Variants in RMND5B observed in about 807,000 individuals in gnomAD.
RMND5B encodes required for meiotic nuclear division 5 homolog B, also known as E3 ubiquitin-protein transferase RMND5B.
Under a neutral mutation model 50.4 loss-of-function variants are expected in RMND5B, and 42 were observed. The ratio of observed to expected loss-of-function variants is 0.83; its 90% CI spans 0.65 to 1.08. The LOEUF (loss-of-function observed/expected upper bound fraction) is 1.08, where lower values mean the gene tolerates loss of function less well. Among genes scored for constraint, RMND5B ranks in the 50% least tolerant of loss-of-function variants. The pLI is 0.00. For missense variants in RMND5B, 463 were observed against 508.5 expected (o/e 0.91, Z 0.86); for synonymous variants, 220 against 210.0 (o/e 1.05, Z -0.41).
Position 178,138,259 on chromosome 5 carries a change from G to C in RMND5B, c.139+1G>C, listed in dbSNP as rs763453315. ...CTGCGGGCTGAGCTGGCCAGCGCAG[G>C]TGGGTGGCCACCCTTGCAAGTGCCC... On this transcript the variant is annotated splice_donor_variant, in intron 3 of 10. Coordinates refer to ENST00000313386, the MANE Select transcript of RMND5B (RefSeq NM_022762.5). LOFTEE classifies it high-confidence loss of function. The surrounding 1 kb of genome is among the most constrained non-coding windows in gnomAD (Gnocchi z 5.1). 9 of 1,612,728 alleles carry C rather than the reference G, an allele frequency of 5.6e-6. No homozygotes were observed. Among genetic ancestry groups the C allele is most frequent in the Non-Finnish European group, 7.6e-6 (9 of 1,179,302 alleles).
At chr5:178,147,506 A>G (rs778573322) in intron 8 of RMND5B, 27 bp from the exon 9 acceptor site, 1 of 1,601,734 alleles carries the variant, frequency 6.2e-7, no homozygotes, top group Non-Finnish European at 8.5e-7. Flanking sequence ...GATCTGAGCC[A>G]CTCTAGCCCC....
In RMND5B at chr5:178,146,270, T is replaced by A; in HGVS notation, c.851T>A (p.Leu284His). 6.2e-7 allele frequency: 1 copy of A among 1,614,018 alleles called. No homozygotes were observed. The highest frequency in any genetic ancestry group is 8.5e-7 in the Non-Finnish European group (1 of 1,179,946). ...CTGGGGCTTTCTGTGGAGTCCCCCC[T>A]TAGCGTCAGGTACAACCCAGCCCTG... ...SLLGLSVESPLSVSFASGCVA... is the reference protein window; with the variant it reads ...SLLGLSVESPHSVSFASGCVA... The change falls in exon 8 of 11, where the codon CTT becomes CAT. Residue 284 changes from leucine (L) to histidine (H), a missense_variant. Leu to His is a moderately conservative substitution (Grantham distance 99). Transcript: ENST00000313386.
chr5:178,146,514 G>A, intron 8 of RMND5B: 1 of 492,918 alleles, frequency 2.0e-6, no homozygotes, highest in East Asian at 3.3e-5. Flanking sequence ...TTCCCATTTT[G>A]TAAGGTCTCC....
rs994345259 is a variant in RMND5B at position 178,148,213 on chromosome 5, C to T, written c.*181C>T. On this transcript the variant is annotated 3_prime_UTR_variant, in exon 11 of 11. Transcript: ENST00000313386. The stretch of plus-strand genomic sequence containing the variant: ...GGCTGAGGAGGGAGATGGACCAGCC[C>T]ACGCCTGGCACCTGGCTCCATGGCA... The T allele has an allele frequency of 1.5e-4, 94 of 627,620 alleles. No individual in the cohort carries two copies. The Admixed American group carries it at 2.5e-3, about 16-fold the overall frequency. The allele number at this position is 627,620 out of a possible 1,614,324, so 38.9% of individuals were successfully genotyped here.
intron 8 of RMND5B, chr5:178,146,950 A>G (rs1446274481): frequency 6.3e-6 from 1 of 158,698 alleles, no homozygotes; most frequent in Non-Finnish European, 1.4e-5. Flanking sequence ...CTGATTTGTT[A>G]CCATGGACTC....
chr5:178,134,075 G>A (rs574310425), intron 2 of RMND5B, among the ~76,000 whole-genome samples: 73 of 152,208 alleles, frequency 4.8e-4, no homozygotes, highest in Non-Finnish European at 7.5e-4. Context: ...GCACTGAGGG[G>A]GAGAAAGGAC....
Position 178,148,536 on chromosome 5 carries a change from C to T in RMND5B, c.*504C>T, listed in dbSNP as rs1455747649. 1 of 168,378 alleles carries T rather than the reference C, an allele frequency of 5.9e-6. No homozygotes were observed. Among genetic ancestry groups the T allele is most frequent in the African/African-American group, 2.4e-5 (1 of 41,794 alleles). 10.4% of individuals were successfully genotyped at this position (168,378 alleles called of 1,614,324 possible). On this transcript the variant is annotated 3_prime_UTR_variant, in exon 11 of 11. Coordinates refer to ENST00000313386, the MANE Select transcript of RMND5B (RefSeq NM_022762.5). ...AGAACGGAATGCCGTTGTTTTATAA[C>T]TTTGAACAAATGTATTTACTGCCCT... is the stretch of plus-strand genomic sequence containing the variant.
chr5:178,148,172 G>A lies in RMND5B; in HGVS notation c.*140G>A, dbSNP rs1756141115. 13 of 798,836 alleles carry A rather than the reference G, an allele frequency of 1.6e-5. No homozygotes were observed. Among genetic ancestry groups the A allele is most frequent in the Non-Finnish European group, 2.5e-5 (12 of 480,406 alleles). The allele number at this position is 798,836 out of a possible 1,614,324, so 49.5% of individuals were successfully genotyped here. On this transcript the variant is annotated 3_prime_UTR_variant, in exon 11 of 11. Transcript: ENST00000313386. ...GAGTTCCACTGAGGGGAGCACTGGA[G>A]CAGCCCTTTGGCAGAGGCTGAGGAG...
Position 178,143,740 on chromosome 5 carries a change from T to G in RMND5B, c.527+13T>G. The G allele has an allele frequency of 1.3e-6, 2 of 1,597,068 alleles. No individual in the cohort carries two copies. The highest frequency in any genetic ancestry group is 1.7e-6 in the Non-Finnish European group (2 of 1,164,412). ...GTCCTGCGTTGGAGTAAGGAGGCCCTTGGGTGGGCCAGCAGCATTCTGCTT... is the reference window on the plus strand; with the variant it reads ...GTCCTGCGTTGGAGTAAGGAGGCCCGTGGGTGGGCCAGCAGCATTCTGCTT... On this transcript the variant is annotated intron_variant, in intron 6 of 10. Transcript: ENST00000313386.
chr5:178,139,731 G>GTTTTTTTT (rs1561633623), intron 3 of RMND5B, among the ~76,000 whole-genome samples: 2 of 139,490 alleles, frequency 1.4e-5, no homozygotes, highest in Non-Finnish European at 1.5e-5. Context: ...TTTTTTTTTG[G>GTTTTTTTT]ATTTTTAGTA....
chr5:178,139,211 CTT>C (rs111529954), intron 3 of RMND5B, among the ~76,000 whole-genome samples: 5 of 144,814 alleles, frequency 3.5e-5, no homozygotes, highest in Admixed American at 6.9e-5. Context: ...GTTCACATTT[CTT>C]TTTTTTTTTT....
chr5:178,146,568 G>GC, intron 8 of RMND5B: 2 of 361,828 alleles, frequency 5.5e-6, no homozygotes, highest in South Asian at 4.5e-5. Flanking sequence ...CTGGATCATT[G>GC]CAAGACCTTC....
At position 178,144,032 on chromosome 5, in the gene RMND5B, A is replaced by G. The variant is rs1388183735; in HGVS notation, c.618A>G (p.Ala206=). 1 of 1,614,256 alleles carries G rather than the reference A, an allele frequency of 6.2e-7. No individual in the cohort carries two copies. Among genetic ancestry groups the G allele is most frequent in the Non-Finnish European group, 8.5e-7 (1 of 1,180,048 alleles). ...LHRLHFIRLL[A]GGPAKQLEAL... is the part of the protein sequence containing the mutation. ...GACTGCACTTCATCCGCCTCTTGGCAGGAGGCCCCGCGAAGCAGCTGGAGG... is the reference window on the plus strand; with the variant it reads ...GACTGCACTTCATCCGCCTCTTGGCGGGAGGCCCCGCGAAGCAGCTGGAGG... Residue 206 remains alanine (A), a synonymous_variant, in exon 7 of 11, where the codon GCA becomes GCG. Coordinates refer to ENST00000313386, the MANE Select transcript of RMND5B (RefSeq NM_022762.5).
At position 178,138,461 on chromosome 5, in the gene RMND5B, C is replaced by T; in HGVS notation, c.139+203C>T. On this transcript the variant is annotated intron_variant, in intron 3 of 10. Transcript: ENST00000313386. The surrounding 1 kb of genome is among the most constrained non-coding windows in gnomAD (Gnocchi z 5.1). ...ATTATTAATTTACCTGAGATGATTC[C>T]CATTTACATTTTGTTTTCAACTTAC... 7.7e-7 allele frequency: 1 copy of T among 1,307,182 alleles called. No individual in the cohort carries two copies. Among genetic ancestry groups the T allele is most frequent in the Non-Finnish European group, 9.9e-7 (1 of 1,010,312 alleles). 81.0% of individuals were successfully genotyped at this position (1,307,182 alleles called of 1,614,324 possible).
At position 178,143,715 on chromosome 5, in the gene RMND5B, G is replaced by T. The variant is rs1755816352; in HGVS notation, c.515G>T (p.Gly172Val). The T allele has an allele frequency of 3.1e-6, 5 of 1,613,662 alleles. No individual in the cohort carries two copies. The highest frequency in any genetic ancestry group is 4.2e-6 in the Non-Finnish European group (5 of 1,179,556). ...ILEALHEQDL[G>V]PALEWAVSHR... Reference sequence around the variant, plus strand: ...GAAGCCCTGCACGAACAAGACCTGGGTCCTGCGTTGGAGTAAGGAGGCCCT... The same window carrying T: ...GAAGCCCTGCACGAACAAGACCTGGTTCCTGCGTTGGAGTAAGGAGGCCCT... Residue 172 changes from glycine (G) to valine (V), a missense_variant, in exon 6 of 11, where the codon GGT becomes GTT. Physicochemically the swap from Gly to Val is moderately radical, Grantham distance 109. Coordinates refer to ENST00000313386, the MANE Select transcript of RMND5B (RefSeq NM_022762.5).
chr5:178,146,042 G>A, intron 7 of RMND5B, 72 bp from the exon 8 acceptor site: 1 of 1,518,760 alleles, frequency 6.6e-7, no homozygotes, highest in Non-Finnish European at 9.0e-7. Context: ...GTGCTGCACA[G>A]TCCTGCTGCC....
chr5:178,143,363 TGCGTA>T (rs1180149125), intron 5 of RMND5B, among the ~76,000 whole-genome samples: 1 of 152,142 alleles, frequency 6.6e-6, no homozygotes, highest in Non-Finnish European at 1.5e-5. Flanking sequence ...TGCAACTCAG[TGCGTA>T]GCCTGGGGAC....
In RMND5B at chr5:178,146,125, A is replaced by G. The variant is rs1755988929; in HGVS notation, c.706A>G (p.Met236Val). 3.1e-6 allele frequency: 5 copies of G among 1,614,100 alleles called. No homozygotes were observed. The highest frequency in any genetic ancestry group is 4.2e-6 in the Non-Finnish European group (5 of 1,180,010). ...ARLHQREIQV[M>V]MGSLVYLRLG... ...TGGTTGCCTTGTAGAGATCCAGGTG[A>G]TGATGGGCAGCCTGGTGTACCTGCG... Residue 236 changes from methionine (M) to valine (V), a missense_variant, in exon 8 of 11, where the codon ATG becomes GTG. By Grantham distance (21) the Met-to-Val change is conservative. Transcript: ENST00000313386.
chr5:178,143,237 G>C (rs1037514830), intron 5 of RMND5B, among the ~76,000 whole-genome samples: 3 of 152,226 alleles, frequency 2.0e-5, no homozygotes, highest in Non-Finnish European at 4.4e-5. Flanking sequence ...ATTGAAAAGG[G>C]AGCTGAGTGA....
Sources: gnomAD v4.1 joint callset for allele counts (sites outside exome capture counted in the v4.1 genomes callset) on GRCh38, gnomAD v4.1.1 for gene constraint, Gnocchi (gnomAD v3.1) non-coding constraint, MANE v1.5 for transcripts, NCBI Gene and HGNC (gene_info 2026-07-23, HGNC 2026-07-21) for gene names.